GALNT13: variants seen among roughly 807,000 people sequenced by gnomAD.
The protein encoded by GALNT13 is UDP-GalNAc:polypeptide N-acetylgalactosaminyltransferase 13.
A neutral mutation model predicts 64.2 loss-of-function variants in GALNT13; 28 were observed. The observed-to-expected ratio is 0.44, with a 90% CI of 0.32 to 0.60. The LOEUF (loss-of-function observed/expected upper bound fraction) is 0.60. Ranked by LOEUF, GALNT13 falls within the 20% of genes least tolerant of loss-of-function variation. The pLI is 0.05. For missense variants in GALNT13, 577 were observed against 669.8 expected (o/e 0.86, Z 1.53); for synonymous variants, 214 against 224.6 (o/e 0.95, Z 0.42).
chr2:153,419,704 G>A, the GALNT13 span, among the ~76,000 whole-genome samples: 2 of 152,058 alleles, frequency 1.3e-5, no homozygotes, highest in Non-Finnish European at 2.9e-5. Flanking sequence ...TGTAAAACTA[G>A]TGTAAATGGA....
intron 11 of GALNT13, among the ~76,000 whole-genome samples, chr2:154,431,139 T>G (rs1700692846): frequency 6.6e-6 from 1 of 152,050 alleles, no homozygotes. Flanking sequence ...CTCACACCCC[T>G]CTTCATCTAT....
chr2:154,012,436 A>G (rs1696710696), intron 3 of GALNT13, among the ~76,000 whole-genome samples: 1 of 152,078 alleles, frequency 6.6e-6, no homozygotes, highest in Non-Finnish European at 1.5e-5. Context: ...TGAAAGTTTC[A>G]TTGTTAGCCT....
chr2:153,673,503 C>T, the GALNT13 span, among the ~76,000 whole-genome samples: 1 of 152,134 alleles, frequency 6.6e-6, no homozygotes, highest in Admixed American at 6.5e-5. Flanking sequence ...TGTCAAAATA[C>T]AACAGCCTTT....
chr2:153,141,341 G>T, the GALNT13 span, among the ~76,000 whole-genome samples: 2 of 152,140 alleles, frequency 1.3e-5, no homozygotes, highest in African/African-American at 4.8e-5. Flanking sequence ...GTCTGTCCTT[G>T]TGTGGAACCT....
chr2:153,802,571 A>G, the GALNT13 span, among the ~76,000 whole-genome samples: 3 of 152,168 alleles, frequency 2.0e-5, no homozygotes, highest in African/African-American at 7.2e-5. Context: ...AATCCTTACA[A>G]CCACATTTCA....
chr2:153,455,692 T>G, the GALNT13 span, among the ~76,000 whole-genome samples: 7 of 152,100 alleles, frequency 4.6e-5, no homozygotes, highest in Non-Finnish European at 7.4e-5. Context: ...AGCTCTGCTG[T>G]CCGCGGACAG....
In GALNT13 at chr2:153,911,440, C is replaced by T. The variant is rs139479159; in HGVS notation, c.-105+10433C>T. 4.1e-3 allele frequency among the ~76,000 whole-genome samples: 617 copies of T among 152,112 alleles called. 3 individuals carry two copies. Among genetic ancestry groups the T allele is most frequent in the African/African-American group, 0.014 (590 of 41,508 alleles). Reference sequence around the variant, plus strand: ...TTAGCATTGATATGTGTGGATTTGACCCTGTCGCAGTGTTTTTAGCTAGTT... The same window carrying T: ...TTAGCATTGATATGTGTGGATTTGATCCTGTCGCAGTGTTTTTAGCTAGTT... On this transcript the variant is annotated intron_variant, in intron 2 of 12. Transcript: ENST00000392825.
At chr2:153,332,342 T>C in the GALNT13 span, among the ~76,000 whole-genome samples, 1 of 152,186 alleles carries the variant, frequency 6.6e-6, no homozygotes, top group African/African-American at 2.4e-5. Flanking sequence ...CACTGATTTT[T>C]CTGTATCCCA....
intron 9 of GALNT13, among the ~76,000 whole-genome samples, chr2:154,310,212 A>G (rs1693958713): frequency 6.6e-6 from 1 of 152,142 alleles, no homozygotes; most frequent in Admixed American, 6.6e-5. Flanking sequence ...TGCATGTTTC[A>G]AGTATTTCTT....
At chr2:153,666,445 T>G in the GALNT13 span, among the ~76,000 whole-genome samples, 1 of 152,118 alleles carries the variant, frequency 6.6e-6, no homozygotes, top group South Asian at 2.1e-4. Flanking sequence ...AGAAGTGCTT[T>G]TGCTAGGACT....
chr2:153,771,276 C>T, the GALNT13 span, among the ~76,000 whole-genome samples: 1 of 152,074 alleles, frequency 6.6e-6, no homozygotes, highest in African/African-American at 2.4e-5. Context: ...AAACTGCCAC[C>T]ACAACAAGAT....
chr2:153,196,661 G>A, the GALNT13 span, among the ~76,000 whole-genome samples: 1 of 151,902 alleles, frequency 6.6e-6, no homozygotes, highest in Non-Finnish European at 1.5e-5. Flanking sequence ...TGGGGCAGGG[G>A]CTCCAGGTTC....
the GALNT13 span, among the ~76,000 whole-genome samples, chr2:153,573,286 G>A: frequency 2.0e-5 from 3 of 151,760 alleles, no homozygotes; most frequent in South Asian, 2.1e-4. Context: ...GTTTCCATTG[G>A]CATGGAATAT....
rs117275315 is a variant in GALNT13, at chr2:154,203,758, A to T, written c.312-38272A>T. ...TTTCCACTACATGAAAGCCCTATTC[A>T]TCCAGCTCTATAATGTAGCCTGAAT... is the stretch of plus-strand genomic sequence containing the variant. On this transcript the variant is annotated intron_variant, in intron 4 of 12. Transcript: ENST00000392825. 4.3e-4 allele frequency among the ~76,000 whole-genome samples: 65 copies of T among 152,252 alleles called. 3 individuals carry two copies. In the East Asian group the frequency reaches 0.012, roughly 29 times the overall value.
the GALNT13 span, among the ~76,000 whole-genome samples, chr2:153,576,283 T>C: frequency 1.3e-4 from 20 of 152,136 alleles, 1 homozygote; most frequent in South Asian, 4.1e-3. Context: ...GTAGGTCGAG[T>C]GCCCCCCATC....
chr2:153,465,228 A>G, the GALNT13 span, among the ~76,000 whole-genome samples: 16 of 152,068 alleles, frequency 1.1e-4, no homozygotes, highest in African/African-American at 3.9e-4. Context: ...CTTTGGAGGT[A>G]TGACACAGTA....
At chr2:154,228,402 T>G (rs1227793529) in intron 4 of GALNT13, among the ~76,000 whole-genome samples, 1 of 152,118 alleles carries the variant, frequency 6.6e-6, no homozygotes, top group Non-Finnish European at 1.5e-5. Context: ...GTCCTGCACT[T>G]TTGTATGAAT....
chr2:153,092,776 A>G, the GALNT13 span, among the ~76,000 whole-genome samples: 1 of 152,208 alleles, frequency 6.6e-6, no homozygotes, highest in Non-Finnish European at 1.5e-5. Flanking sequence ...TATCATCTGC[A>G]AAACAAAGAT....
At chr2:153,532,417 A>ACTTCTC in the GALNT13 span, among the ~76,000 whole-genome samples, 2 of 152,104 alleles carry the variant, frequency 1.3e-5, no homozygotes, top group African/African-American at 4.8e-5. Flanking sequence ...GACACAAAAG[A>ACTTCTC]TCATGCTTCT....
Sources: gnomAD v4.1 joint callset for allele counts (sites outside exome capture counted in the v4.1 genomes callset) on GRCh38, gnomAD v4.1.1 for gene constraint, MANE v1.5 for transcripts, NCBI Gene and HGNC (gene_info 2026-07-23, HGNC 2026-07-21) for gene names.